TRABD2B: variants seen among roughly 807,000 people sequenced by gnomAD.
TRABD2B encodes the protein TraB domain containing 2B, also known as metalloprotease TIKI2.
Under a neutral mutation model 40.1 loss-of-function variants are expected in TRABD2B, and 14 were observed. That is an observed-to-expected ratio of 0.35 (90% CI 0.23 to 0.55). The LOEUF (loss-of-function observed/expected upper bound fraction) is 0.55, where lower values mean the gene tolerates loss of function less well. Among genes scored for constraint, TRABD2B ranks in the 20% least tolerant of loss-of-function variants. The probability of loss-of-function intolerance (pLI) is 0.90; values close to 1 mark genes in which losing one functional copy is unlikely to be tolerated. For synonymous variants in TRABD2B, 263 were observed against 277.0 expected (o/e 0.95, Z 0.50); for missense variants, 541 against 648.6 (o/e 0.83, Z 1.80).
chr1:47,871,598 C>T (rs995112994), intron 2 of TRABD2B, among the ~76,000 whole-genome samples: 1 of 152,160 alleles, frequency 6.6e-6, no homozygotes, highest in Non-Finnish European at 1.5e-5. Flanking sequence ...GCCGCTCACA[C>T]ACTCAGAGCC....
chr1:47,924,590 A>T lies in TRABD2B; in HGVS notation c.666+69444T>A, dbSNP rs577100320. On this transcript the variant is annotated intron_variant, in intron 2 of 6. Transcript: ENST00000606738. ...TCTAGTTCCCACCTTCTCAGACTTG[A>T]CCCCCAGCTGTGGAGGGTGCCAACA... is the stretch of plus-strand genomic sequence containing the variant. Among the ~76,000 whole-genome samples the T allele has an allele frequency of 3.3e-5, 5 of 151,908 alleles. No homozygotes were observed. The South Asian group carries it at 8.4e-4, about 25-fold the overall frequency.
At chr1:47,810,284 A>T (rs1277402355) in intron 2 of TRABD2B, among the ~76,000 whole-genome samples, 1 of 152,052 alleles carries the variant, frequency 6.6e-6, no homozygotes, top group Non-Finnish European at 1.5e-5. Flanking sequence ...TGCTTGCTGC[A>T]GCCTGAGCCT....
At chr1:47,958,152 CA>C (rs1366231716) in intron 2 of TRABD2B, among the ~76,000 whole-genome samples, 4 of 149,810 alleles carry the variant, frequency 2.7e-5, no homozygotes, top group Non-Finnish European at 5.9e-5. Context: ...TACAGACAAG[CA>C]AATGCTGAGA....
rs752605211 is a variant in TRABD2B at position 47,942,205 on chromosome 1, C to G, written c.666+51829G>C. Among the ~76,000 whole-genome samples, 68 of 152,126 alleles carry G rather than the reference C, an allele frequency of 4.5e-4. 2 individuals are homozygous for G. Among genetic ancestry groups the G allele is most frequent in the Admixed American group, 7.9e-4 (12 of 15,268 alleles). On this transcript the variant is annotated intron_variant, in intron 2 of 6. Transcript: ENST00000606738. ...AGACTCCCTGGTTCACCAGGGACAC[C>G]AAGAGTCCCCAGTACCCCATTCAGG... is the stretch of plus-strand genomic sequence containing the variant.
At chr1:47,951,219 A>G (rs1488437802) in intron 2 of TRABD2B, among the ~76,000 whole-genome samples, 3 of 152,136 alleles carry the variant, frequency 2.0e-5, no homozygotes, top group African/African-American at 7.2e-5. Context: ...GGCAGGGGCG[A>G]GTCATCGGGC....
intron 2 of TRABD2B, among the ~76,000 whole-genome samples, chr1:47,957,292 G>C (rs943334965): frequency 4.6e-5 from 7 of 152,190 alleles, no homozygotes; most frequent in Non-Finnish European, 1.0e-4. Context: ...CTAAAAATCA[G>C]AGTGTCTCTT....
intron 2 of TRABD2B, among the ~76,000 whole-genome samples, chr1:47,990,798 TA>T (rs1645996400): frequency 1.7e-5 from 1 of 59,096 alleles, no homozygotes; most frequent in Non-Finnish European, 3.3e-5. Context: ...TATATATATA[TA>T]TATATATATA....
chr1:47,828,448 A>G (rs11581081), intron 2 of TRABD2B, among the ~76,000 whole-genome samples: 3,599 of 152,308 alleles, frequency 0.024, 113 homozygotes, highest in Admixed American at 0.094. Context: ...TGTGCTAGAA[A>G]GTCACTGGGA....
chr1:47,864,045 C>G (rs1042512365), intron 2 of TRABD2B, among the ~76,000 whole-genome samples: 1 of 151,950 alleles, frequency 6.6e-6, no homozygotes, highest in Non-Finnish European at 1.5e-5. Flanking sequence ...TTCTGGAAAA[C>G]GCAACAAAAC....
intron 6 of TRABD2B, among the ~76,000 whole-genome samples, chr1:47,774,189 T>C (rs1418289833): frequency 6.6e-6 from 1 of 152,114 alleles, no homozygotes; most frequent in African/African-American, 2.4e-5. Flanking sequence ...AATCTGTTTA[T>C]TTAACGAATA....
At chr1:47,929,081 G>T (rs1001757529) in intron 2 of TRABD2B, among the ~76,000 whole-genome samples, 2 of 152,174 alleles carry the variant, frequency 1.3e-5, no homozygotes, top group Non-Finnish European at 2.9e-5. Flanking sequence ...TTCTCGTAAA[G>T]CCCCCTCTAT....
chr1:47,777,684 C>A (rs566546771), intron 5 of TRABD2B, among the ~76,000 whole-genome samples: 2 of 152,326 alleles, frequency 1.3e-5, no homozygotes, highest in African/African-American at 4.8e-5. Flanking sequence ...CTATGAAGAT[C>A]CAAGCTTCTT....
At chr1:47,814,973 G>A (rs1645011661) in intron 2 of TRABD2B, among the ~76,000 whole-genome samples, 4 of 152,180 alleles carry the variant, frequency 2.6e-5, no homozygotes, top group Admixed American at 2.6e-4. Context: ...TCCTGCATGG[G>A]GCTTCTCGTT....
Position 47,996,302 on chromosome 1 carries a change from CAA to C in TRABD2B, c.102+384_102+385del, listed in dbSNP as rs1222685265. Among the ~76,000 whole-genome samples the C allele has an allele frequency of 6.6e-6, 1 of 151,876 alleles. No homozygotes were observed. Among genetic ancestry groups the C allele is most frequent in the Non-Finnish European group, 1.5e-5 (1 of 67,978 alleles). On this transcript the variant is annotated intron_variant, in intron 1 of 6. Coordinates refer to ENST00000606738, the MANE Select transcript of TRABD2B (RefSeq NM_001194986.2). The surrounding 1 kb of genome is among the most constrained non-coding windows in gnomAD (Gnocchi z 4.6). ...GAGAGCAAAAGGGTTCGATGGAAGT[CAA>C]GAGAAGGGCAAGGAACGGTAGAAAA...
rs150536341 is a variant in TRABD2B, at chr1:47,781,406, G to A, written c.989-2862C>T. Reference sequence around the variant, plus strand: ...CTCCAAGAGGAGCGTTTCTGGGACTGAGTAGAGGAGACACTTAGAGGGCCC... The same window carrying A: ...CTCCAAGAGGAGCGTTTCTGGGACTAAGTAGAGGAGACACTTAGAGGGCCC... On this transcript the variant is annotated intron_variant, in intron 4 of 6. Coordinates refer to ENST00000606738, the MANE Select transcript of TRABD2B (RefSeq NM_001194986.2). 3.9e-5 allele frequency among the ~76,000 whole-genome samples: 6 copies of A among 152,284 alleles called. No individual in the cohort carries two copies. The East Asian group carries it at 1.2e-3, about 30-fold the overall frequency.
chr1:47,947,785 G>C (rs1386293693), intron 2 of TRABD2B, among the ~76,000 whole-genome samples: 2 of 152,186 alleles, frequency 1.3e-5, no homozygotes, highest in African/African-American at 4.8e-5. Context: ...CAGAGCACTT[G>C]CCTTCCAACA....
At chr1:47,782,073 C>A (rs1285402547) in intron 4 of TRABD2B, among the ~76,000 whole-genome samples, 1 of 152,210 alleles carries the variant, frequency 6.6e-6, no homozygotes, top group Non-Finnish European at 1.5e-5. Context: ...GGTAACTACA[C>A]AATGCTGACC....
intron 2 of TRABD2B, among the ~76,000 whole-genome samples, chr1:47,865,799 A>T (rs1187484845): frequency 6.6e-6 from 1 of 152,134 alleles, no homozygotes; most frequent in African/African-American, 2.4e-5. Context: ...TTAGTCAAAC[A>T]TGCAGACAAG....
chr1:47,904,432 G>A (rs1420321702), intron 2 of TRABD2B, among the ~76,000 whole-genome samples: 1 of 152,170 alleles, frequency 6.6e-6, no homozygotes, highest in Non-Finnish European at 1.5e-5. Flanking sequence ...ACTCTTATAG[G>A]AGCAAATATT....
Sources: allele counts gnomAD v4.1 joint callset (sites outside exome capture counted in the v4.1 genomes callset), GRCh38; gene constraint gnomAD v4.1.1; non-coding constraint Gnocchi (gnomAD v3.1); transcripts MANE v1.5; gene names NCBI Gene and HGNC (gene_info 2026-07-23, HGNC 2026-07-21).